PTCD1: variants seen among roughly 807,000 people sequenced by gnomAD.
PTCD1 encodes pentatricopeptide repeat-containing protein 1, mitochondrial.
PTCD1 carries 50 observed loss-of-function variants against 53.4 expected under a neutral mutation model. That is an observed-to-expected ratio of 0.94 (90% CI 0.75 to 1.19). The LOEUF is 1.19. Among genes scored for constraint, PTCD1 ranks in the 50% most tolerant of loss-of-function variants. The pLI is 0.00. For synonymous variants in PTCD1, 413 were observed against 394.8 expected (o/e 1.05, Z -0.55); for missense variants, 918 against 904.8 (o/e 1.01, Z -0.19).
chr7:99,436,104 CCTGG>C (rs564339358), intron 1 of PTCD1, among the ~76,000 whole-genome samples: 1 of 152,168 alleles, frequency 6.6e-6, no homozygotes, highest in Non-Finnish European at 1.5e-5. Context: ...AGCCACTATG[CCTGG>C]CTAATTTTAT....
intron 7 of PTCD1, among the ~76,000 whole-genome samples, chr7:99,420,966 A>C (rs1795787505): frequency 6.6e-6 from 1 of 151,976 alleles, no homozygotes; most frequent in African/African-American, 2.4e-5. Context: ...CAAAAACAAA[A>C]AAAGGTTTGA....
chr7:99,422,728 C>T (rs554896743), intron 7 of PTCD1, among the ~76,000 whole-genome samples: 25 of 152,292 alleles, frequency 1.6e-4, no homozygotes, highest in African/African-American at 4.6e-4. Context: ...ATATGTTCAA[C>T]GTGGGGGCCC....
intron 5 of PTCD1, among the ~76,000 whole-genome samples, chr7:99,427,369 C>A (rs1165658989): frequency 4.1e-5 from 6 of 146,382 alleles, no homozygotes; most frequent in Admixed American, 4.1e-4. Context: ...GTCAGCCCCC[C>A]GCCCGGCCAG....
chr7:99,425,638 TCAGCTGGGTGCTCCCATTCAG>T (rs763526411), intron 5 of PTCD1, 22 bp from the exon 6 acceptor site: 13 of 1,596,044 alleles, frequency 8.1e-6, no homozygotes, highest in Non-Finnish European at 1.1e-5. Flanking sequence ...GAGACAAACG[TCAGCTGGGTGCTCCCATTCAG>T]CAGCTGGGCG....
intron 1 of PTCD1, among the ~76,000 whole-genome samples, chr7:99,436,358 G>A (rs1242283133): frequency 1.3e-5 from 2 of 152,098 alleles, no homozygotes; most frequent in Non-Finnish European, 2.9e-5. Flanking sequence ...GGTGGCTCAC[G>A]CCTGTAATCC....
Position 99,429,126 on chromosome 7 carries a change from T to G in PTCD1, c.892A>C (p.Thr298Pro). Residue 298 changes from threonine to proline, a missense_variant, in exon 5 of 8, where the codon ACA becomes CCA. Coordinates refer to ENST00000292478, the MANE Select transcript of PTCD1 (RefSeq NM_015545.4). ...ACCTGGAGGGCGTACCGGAAGCCTG[T>G]CTTCTTGTCTTGGATGCAGCCCATG... ...LLMGCIQDKK[T>P]GFRYALQVWR... The G allele has an allele frequency of 3.1e-6, 5 of 1,614,144 alleles. No homozygotes were observed. Among genetic ancestry groups the G allele is most frequent in the South Asian group, 2.2e-5 (2 of 91,080 alleles).
chr7:99,420,775 G>A (rs1270697558), intron 7 of PTCD1, among the ~76,000 whole-genome samples: 1 of 152,078 alleles, frequency 6.6e-6, no homozygotes, highest in African/African-American at 2.4e-5. Flanking sequence ...TGGCCAGCAT[G>A]GTGAAACTCC....
Position 99,417,369 on chromosome 7 carries a change from T to C in PTCD1, c.*2598A>G. ...CACCCGGCCTGAATGCTTTTTTTGA[T>C]CAAGGGTGGGGAAGGTTTTTAGACC... is the stretch of plus-strand genomic sequence containing the variant. On this transcript the variant is annotated 3_prime_UTR_variant, in exon 8 of 8. Coordinates refer to ENST00000292478, the MANE Select transcript of PTCD1 (RefSeq NM_015545.4). The C allele has an allele frequency of 6.4e-7, 1 of 1,573,410 alleles. No individual in the cohort carries two copies. Among genetic ancestry groups the C allele is most frequent in the Non-Finnish European group, 8.7e-7 (1 of 1,144,876 alleles).
rs776848035 is a variant in PTCD1, at chr7:99,417,807, A to C, written c.*2160T>G. The C allele has an allele frequency of 4.0e-6, 6 of 1,508,832 alleles. No individual in the cohort carries two copies. The highest frequency in any genetic ancestry group is 2.8e-5 in the African/African-American group (2 of 72,182). 93.5% of individuals were successfully genotyped at this position (1,508,832 alleles called of 1,614,324 possible). On this transcript the variant is annotated 3_prime_UTR_variant, in exon 8 of 8. Coordinates refer to ENST00000292478, the MANE Select transcript of PTCD1 (RefSeq NM_015545.4). ...GTTTGTTAGGTCTGGGGTCAATCTC[A>C]ACTCCACTTTTGGGCAAATTACTGA...
Position 99,417,700 on chromosome 7 carries a change from TC to T in PTCD1, c.*2266del. ...TTGGTTGGGCTGGAATGTCGTTTTG[TC>T]CCTGGATGTCCTGCTGGCTCTCCCT... is the stretch of plus-strand genomic sequence containing the variant. On this transcript the variant is annotated 3_prime_UTR_variant, in exon 8 of 8. Transcript: ENST00000292478. The T allele has an allele frequency of 3.2e-6, 5 of 1,548,620 alleles. No homozygotes were observed. Among genetic ancestry groups the T allele is most frequent in the Non-Finnish European group, 4.3e-6 (5 of 1,152,726 alleles).
intron 3 of PTCD1, among the ~76,000 whole-genome samples, chr7:99,430,967 C>T (rs1415592162): frequency 2.0e-5 from 3 of 151,794 alleles, no homozygotes; most frequent in Admixed American, 1.3e-4. Flanking sequence ...CCCAGCTACT[C>T]GGGAGGCTGA....
chr7:99,424,046 G>A lies in PTCD1; in HGVS notation c.1738-89C>T, dbSNP rs1299878263. On this transcript the variant is annotated intron_variant, in intron 6 of 7. Transcript: ENST00000292478. Reference sequence around the variant, plus strand: ...CCTCTGTCAATCAAGCTGGCTCCCGGGACCAGCGGCCAGGGCCAGCAAGGC... The same window carrying A: ...CCTCTGTCAATCAAGCTGGCTCCCGAGACCAGCGGCCAGGGCCAGCAAGGC... The A allele has an allele frequency of 1.9e-6, 3 of 1,549,750 alleles. No individual in the cohort carries two copies. In the African/African-American group the frequency reaches 4.1e-5, roughly 21 times the overall value.
chr7:99,428,462 C>A (rs952752173), intron 5 of PTCD1, among the ~76,000 whole-genome samples: 2 of 151,226 alleles, frequency 1.3e-5, no homozygotes, highest in Non-Finnish European at 2.9e-5. Context: ...AGCTCTCCAG[C>A]GGGGAGCTGT....
Position 99,426,785 on chromosome 7 carries a change from G to A in PTCD1, c.916-1169C>T, listed in dbSNP as rs544199843. On this transcript the variant is annotated intron_variant, in intron 5 of 7. Coordinates refer to ENST00000292478, the MANE Select transcript of PTCD1 (RefSeq NM_015545.4). Reference sequence around the variant, plus strand: ...TAGGAAGTGAGGAGCATCTCTGCCCGGCCGCCCATCGTCTGAGATGTGGGG... The same window carrying A: ...TAGGAAGTGAGGAGCATCTCTGCCCAGCCGCCCATCGTCTGAGATGTGGGG... Among the ~76,000 whole-genome samples, 12 of 151,176 alleles carry A rather than the reference G, an allele frequency of 7.9e-5. 1 individual carries two copies. The South Asian group carries it at 1.5e-3, about 18-fold the overall frequency.
intron 5 of PTCD1, among the ~76,000 whole-genome samples, chr7:99,426,775 A>G (rs373961937): frequency 2.2e-5 from 3 of 134,368 alleles, no homozygotes; most frequent in Admixed American, 7.6e-5. Flanking sequence ...AGTGAGGAGC[A>G]TCTCTGCCCG....
rs1584456825 is a variant in PTCD1 at position 99,425,757 on chromosome 7, C to T, written c.916-141G>A. ...AGGAGTTCGAGACAAGACCGGGCAA[C>T]ATAGCAAGACCCTGCCTCAAAAAAA... On this transcript the variant is annotated intron_variant, in intron 5 of 7. Transcript: ENST00000292478. The T allele has an allele frequency of 3.4e-6, 4 of 1,164,970 alleles. No individual in the cohort carries two copies. The Middle Eastern group carries it at 1.1e-3, about 322-fold the overall frequency. 72.2% of individuals were successfully genotyped at this position (1,164,970 alleles called of 1,614,324 possible). A position where few individuals can be genotyped will look rare whatever the true frequency, so the allele number is the denominator to read the frequency against.
chr7:99,424,647 C>G, intron 6 of PTCD1, 148 bp downstream of exon 6: 1 of 1,105,986 alleles, frequency 9.0e-7, no homozygotes, highest in Non-Finnish European at 1.3e-6. Context: ...GGACCAAAGA[C>G]CAGAAGGTCA....
chr7:99,426,152 C>CTCTCCCTCTCCCTCTCCCCACGG (rs1196762926), intron 5 of PTCD1, among the ~76,000 whole-genome samples: 29 of 146,878 alleles, frequency 2.0e-4, no homozygotes, highest in Non-Finnish European at 3.3e-4. Flanking sequence ...CTCCCTCTCC[C>CTCTCCCTCTCCCTCTCCCCACGG]TCTCCCTCTC....
At chr7:99,422,885 C>A (rs1010061414) in intron 7 of PTCD1, among the ~76,000 whole-genome samples, 1 of 152,096 alleles carries the variant, frequency 6.6e-6, no homozygotes, top group Non-Finnish European at 1.5e-5. Context: ...TAATCTTTTG[C>A]GTCCTCTGTA....
Sources: gnomAD v4.1 joint callset for allele counts (sites outside exome capture counted in the v4.1 genomes callset) on GRCh38, gnomAD v4.1.1 for gene constraint, MANE v1.5 for transcripts, NCBI Gene and HGNC (gene_info 2026-07-23, HGNC 2026-07-21) for gene names.